The following YAF2 variants were observed in gnomAD, a reference collection of about 807,000 sequenced individuals.
YAF2 encodes YY1-associated factor 2.
YAF2 carries 7 observed loss-of-function variants against 20.1 expected under a neutral mutation model. The observed-to-expected ratio is 0.35, with a 90% CI of 0.20 to 0.65. The LOEUF (loss-of-function observed/expected upper bound fraction) is 0.65, where lower values mean the gene tolerates loss of function less well. Among genes scored for constraint, YAF2 ranks in the 30% least tolerant of loss-of-function variants. The pLI, the probability that YAF2 is intolerant of heterozygous loss-of-function variation, is 0.69. For synonymous variants in YAF2, 74 were observed against 76.0 expected (o/e 0.97, Z 0.14); for missense variants, 151 against 219.2 (o/e 0.69, Z 1.96).
At chr12:42,208,080 C>T (rs2067103779) in intron 2 of YAF2, among the ~76,000 whole-genome samples, 1 of 152,022 alleles carries the variant, frequency 6.6e-6, no homozygotes, top group Non-Finnish European at 1.5e-5. Context: ...ACACAACATA[C>T]CTGTGTAAAA....
chr12:42,223,876 G>A (rs1039968055), intron 2 of YAF2, among the ~76,000 whole-genome samples: 1 of 151,598 alleles, frequency 6.6e-6, no homozygotes, highest in Non-Finnish European at 1.5e-5. Flanking sequence ...GGCCTGTCGG[G>A]GGGTGGGGGG....
In YAF2 at chr12:42,160,323, C is replaced by A; in HGVS notation, c.*266G>T. The stretch of plus-strand genomic sequence containing the variant: ...ATTCACTAAACTAAAAGTGAAAATA[C>A]ACTTACCAATAACACTGCATAATGA... On this transcript the variant is annotated 3_prime_UTR_variant, in exon 4 of 4. Coordinates refer to ENST00000534854, the MANE Select transcript of YAF2 (RefSeq NM_005748.6). 5.7e-6 allele frequency: 2 copies of A among 348,640 alleles called. No homozygotes were observed. The highest frequency in any genetic ancestry group is 5.2e-6 in the Non-Finnish European group (1 of 192,284). The allele number at this position is 348,640 out of a possible 1,614,324, so 21.6% of individuals were successfully genotyped here. A position where few individuals can be genotyped will look rare whatever the true frequency, so the allele number is the denominator to read the frequency against.
At chr12:42,200,946 T>C (rs77330786) in intron 2 of YAF2, among the ~76,000 whole-genome samples, 1,600 of 152,270 alleles carry the variant, frequency 0.011, 28 homozygotes, top group African/African-American at 0.037. Context: ...AAGATAATGA[T>C]AGTACCTCTT....
intron 2 of YAF2, among the ~76,000 whole-genome samples, chr12:42,176,171 A>C (rs2066185415): frequency 6.6e-6 from 1 of 151,688 alleles, no homozygotes; most frequent in Non-Finnish European, 1.5e-5. Flanking sequence ...ACTTGAATCC[A>C]GAAGGCAGAG....
At chr12:42,227,469 T>C (rs1233069322) in intron 2 of YAF2, among the ~76,000 whole-genome samples, 2 of 113,566 alleles carry the variant, frequency 1.8e-5, no homozygotes, top group South Asian at 3.4e-4. Flanking sequence ...GTCTGAGATG[T>C]GGGGAGCGCC....
intron 2 of YAF2, among the ~76,000 whole-genome samples, chr12:42,224,453 G>T (rs1039186625): frequency 6.6e-6 from 1 of 151,978 alleles, no homozygotes; most frequent in Non-Finnish European, 1.5e-5. Context: ...AGGTATACAC[G>T]TGCCATAGTG....
intron 2 of YAF2, among the ~76,000 whole-genome samples, chr12:42,189,046 C>T (rs545379791): frequency 6.6e-5 from 10 of 152,098 alleles, no homozygotes; most frequent in Non-Finnish European, 1.3e-4. Flanking sequence ...GGAAAGCCTT[C>T]CTGTAGAGAT....
rs377011563 is a variant in YAF2 at position 42,205,336 on chromosome 12, T to C, written c.152+32263A>G. Reference sequence around the variant, plus strand: ...CGGAATCAACTGCAAACAACCAGCTTTGACTGATCACGACATTGTTTTTCT... The same window carrying C: ...CGGAATCAACTGCAAACAACCAGCTCTGACTGATCACGACATTGTTTTTCT... On this transcript the variant is annotated intron_variant, in intron 2 of 3. Transcript: ENST00000534854. Among the ~76,000 whole-genome samples, 34 of 152,172 alleles carry C rather than the reference T, an allele frequency of 2.2e-4. No individual in the cohort carries two copies. In the South Asian group the frequency reaches 6.8e-3, roughly 31 times the overall value.
intron 2 of YAF2, among the ~76,000 whole-genome samples, chr12:42,204,095 C>A (rs1050644498): frequency 6.6e-6 from 1 of 151,546 alleles, no homozygotes; most frequent in African/African-American, 2.4e-5. Context: ...AAAAAAAAAT[C>A]TATCCCTTCT....
At chr12:42,226,167 G>A (rs1328786260) in intron 2 of YAF2, among the ~76,000 whole-genome samples, 4 of 152,002 alleles carry the variant, frequency 2.6e-5, no homozygotes, top group South Asian at 4.1e-4. Context: ...TTCTTAATAC[G>A]CTGTACACTT....
At chr12:42,201,707 G>A (rs2066902790) in intron 2 of YAF2, among the ~76,000 whole-genome samples, 1 of 152,104 alleles carries the variant, frequency 6.6e-6, no homozygotes, top group Admixed American at 6.6e-5. Context: ...GAGTAGCTGG[G>A]ACTACAAGCA....
At chr12:42,220,325 T>C (rs2067476893) in intron 2 of YAF2, among the ~76,000 whole-genome samples, 1 of 145,106 alleles carries the variant, frequency 6.9e-6, no homozygotes, top group African/African-American at 2.9e-5. Context: ...AGAAAAAGAA[T>C]TATCTTAAGG....
chr12:42,199,222 T>C, intron 2 of YAF2: 1 of 1,289,054 alleles, frequency 7.8e-7, no homozygotes, highest in South Asian at 1.2e-5. Context: ...AACCAGGCTC[T>C]CTTCCTGTTA....
intron 2 of YAF2, among the ~76,000 whole-genome samples, chr12:42,179,329 G>A (rs1284393182): frequency 6.6e-6 from 1 of 152,214 alleles, no homozygotes; most frequent in East Asian, 1.9e-4. Flanking sequence ...AATTAGCAGA[G>A]CTTGGTGGCG....
chr12:42,197,935 T>C (rs1270128544), intron 2 of YAF2, among the ~76,000 whole-genome samples: 1 of 152,190 alleles, frequency 6.6e-6, no homozygotes, highest in Non-Finnish European at 1.5e-5. Flanking sequence ...AAGTCACATA[T>C]GTTATACCTT....
chr12:42,201,734 G>C (rs750994321), intron 2 of YAF2, among the ~76,000 whole-genome samples: 4 of 152,056 alleles, frequency 2.6e-5, no homozygotes, highest in Non-Finnish European at 4.4e-5. Flanking sequence ...ACCACGCCTG[G>C]CTAATTTTTG....
At chr12:42,208,594 TG>T (rs1431935995) in intron 2 of YAF2, among the ~76,000 whole-genome samples, 1 of 152,194 alleles carries the variant, frequency 6.6e-6, no homozygotes, top group Non-Finnish European at 1.5e-5. Flanking sequence ...GGGTATTAAC[TG>T]GGTGCTGCTA....
At chr12:42,172,719 C>A (rs189786867) in intron 2 of YAF2, among the ~76,000 whole-genome samples, 2 of 152,192 alleles carry the variant, frequency 1.3e-5, no homozygotes, top group African/African-American at 4.8e-5. Context: ...CCTTAACAGC[C>A]CCAAAGCGGA....
At chr12:42,207,447 T>C (rs917796243) in intron 2 of YAF2, among the ~76,000 whole-genome samples, 2 of 149,454 alleles carry the variant, frequency 1.3e-5, no homozygotes, top group Non-Finnish European at 3.0e-5. Context: ...TATACTCTTT[T>C]TATATGCCAC....
Sources: gnomAD v4.1 joint callset for allele counts (sites outside exome capture counted in the v4.1 genomes callset) on GRCh38, gnomAD v4.1.1 for gene constraint, MANE v1.5 for transcripts, NCBI Gene and HGNC (gene_info 2026-07-23, HGNC 2026-07-21) for gene names.